OR1J2: variants seen among roughly 807,000 people sequenced by gnomAD.
OR1J2 encodes the protein olfactory receptor 1J2.
For missense variants in OR1J2, 304 were observed against 246.1 expected (o/e 1.24, Z -1.57); for synonymous variants, 142 against 99.7 (o/e 1.42, Z -2.52).
chr9:122,450,041 G>T, the OR1J2 span, among the ~76,000 whole-genome samples: 1 of 152,126 alleles, frequency 6.6e-6, no homozygotes, highest in Non-Finnish European at 1.5e-5. Flanking sequence ...ATATATTTAT[G>T]TGGTACAATG....
At chr9:122,528,314 C>T in the OR1J2 span, among the ~76,000 whole-genome samples, 5 of 152,140 alleles carry the variant, frequency 3.3e-5, no homozygotes, top group Admixed American at 2.0e-4. Flanking sequence ...ATCCTGATCC[C>T]GGCTGGGCAC....
the OR1J2 span, among the ~76,000 whole-genome samples, chr9:122,490,491 C>G: frequency 6.6e-6 from 1 of 152,034 alleles, no homozygotes. Context: ...TTTTCTTCTC[C>G]CCTCATGCGT....
chr9:122,464,930 CT>C, the OR1J2 span, among the ~76,000 whole-genome samples: 1 of 152,122 alleles, frequency 6.6e-6, no homozygotes, highest in South Asian at 2.1e-4. Context: ...GGTAAGTGCA[CT>C]TTTGGTTTCA....
At chr9:122,525,942 G>A in the OR1J2 span, among the ~76,000 whole-genome samples, 1 of 152,186 alleles carries the variant, frequency 6.6e-6, no homozygotes. Flanking sequence ...TGTCATGAAA[G>A]CAGGGACTTT....
the OR1J2 span, among the ~76,000 whole-genome samples, chr9:122,541,303 A>C: frequency 6.6e-6 from 1 of 152,326 alleles, no homozygotes; most frequent in East Asian, 1.9e-4. Context: ...AATCTGATCA[A>C]CACCAAAAAA....
the OR1J2 span, among the ~76,000 whole-genome samples, chr9:122,576,222 C>CT: frequency 0.049 from 7,437 of 151,404 alleles, 282 homozygotes; most frequent in South Asian, 0.16. Context: ...TTCTTTTTTA[C>CT]ATTTTTTTTT....
the OR1J2 span, among the ~76,000 whole-genome samples, chr9:122,523,555 A>G: frequency 6.6e-6 from 1 of 152,176 alleles, no homozygotes; most frequent in Non-Finnish European, 1.5e-5. Context: ...GTAACAGATA[A>G]TGTGTGCCTG....
the OR1J2 span, among the ~76,000 whole-genome samples, chr9:122,527,893 T>A: frequency 6.6e-6 from 1 of 152,364 alleles, no homozygotes; most frequent in Admixed American, 6.5e-5. Flanking sequence ...AAGTACTTTA[T>A]GAAGATTGTT....
At chr9:122,568,175 C>G in the OR1J2 span, 1 of 1,614,080 alleles carries the variant, frequency 6.2e-7, no homozygotes, top group Non-Finnish European at 8.5e-7. Context: ...GAAAATACAT[C>G]TGTGTCAGAC....
chr9:122,526,963 A>G, the OR1J2 span: 3 of 1,614,216 alleles, frequency 1.9e-6, no homozygotes, highest in Non-Finnish European at 2.5e-6. Context: ...GCCAGGAAGA[A>G]GCTGTCTAGA....
the OR1J2 span, chr9:122,477,806 C>G: frequency 6.2e-7 from 1 of 1,613,870 alleles, no homozygotes; most frequent in Non-Finnish European, 8.5e-7. Context: ...AGCAGGTTCC[C>G]CAGCACCGTG....
At chr9:122,462,112 A>G in the OR1J2 span, among the ~76,000 whole-genome samples, 7 of 152,172 alleles carry the variant, frequency 4.6e-5, no homozygotes, top group Non-Finnish European at 8.8e-5. Flanking sequence ...TGTTAGGTGC[A>G]TATATATGTG....
chr9:122,539,651 A>G, the OR1J2 span, among the ~76,000 whole-genome samples: 1 of 152,130 alleles, frequency 6.6e-6, no homozygotes, highest in Non-Finnish European at 1.5e-5. Flanking sequence ...GGCTGGGTCA[A>G]ATGGTATTTC....
At chr9:122,496,996 C>T in the OR1J2 span, among the ~76,000 whole-genome samples, 3 of 152,116 alleles carry the variant, frequency 2.0e-5, no homozygotes, top group Admixed American at 6.6e-5. Flanking sequence ...CCTGCTCCCA[C>T]GCAGCATGCA....
the OR1J2 span, chr9:122,526,485 A>G: frequency 6.3e-7 from 1 of 1,574,848 alleles, no homozygotes; most frequent in African/African-American, 1.4e-5. Context: ...AGCTGCTGCA[A>G]TGTCCTTCTC....
At chr9:122,537,173 G>A in the OR1J2 span, among the ~76,000 whole-genome samples, 21,766 of 152,226 alleles carry the variant, frequency 0.14, 1,815 homozygotes, top group East Asian at 0.34. Context: ...TGAAAGGATC[G>A]TGATTGATTT....
At chr9:122,569,926 G>A in the OR1J2 span, among the ~76,000 whole-genome samples, 7 of 149,950 alleles carry the variant, frequency 4.7e-5, no homozygotes, top group East Asian at 9.8e-4. Flanking sequence ...GAGAATATGC[G>A]GTGTTTGGTT....
At chr9:122,489,861 A>G in the OR1J2 span, among the ~76,000 whole-genome samples, 1 of 152,320 alleles carries the variant, frequency 6.6e-6, no homozygotes, top group South Asian at 2.1e-4. Flanking sequence ...GATACATGGT[A>G]AGCACAGGAG....
At chr9:122,507,483 G>A (rs150880215), upstream of OR1J2, among the ~76,000 whole-genome samples, 5 of 152,242 alleles carry the variant, frequency 3.3e-5, no homozygotes, top group African/African-American at 1.2e-4. Context: ...ATTGCATTCA[G>A]CTGCTAGGCA....
Sources: gnomAD v4.1 joint callset for allele counts (sites outside exome capture counted in the v4.1 genomes callset) on GRCh38, gnomAD v4.1.1 for gene constraint, MANE v1.5 for transcripts, NCBI Gene and HGNC (gene_info 2026-07-23, HGNC 2026-07-21) for gene names.